The following EMSY variants were observed in gnomAD, a reference collection of about 807,000 sequenced individuals.
The protein encoded by EMSY is BRCA2-interacting transcriptional repressor EMSY.
EMSY carries 26 observed loss-of-function variants against 134.6 expected under a neutral mutation model. The observed-to-expected ratio is 0.19, with a 90% CI of 0.14 to 0.27. EMSY has a LOEUF of 0.27. Ranked by LOEUF, EMSY falls within the 10% of genes least tolerant of loss-of-function variation. The probability of loss-of-function intolerance (pLI) is 1.00; values close to 1 mark genes in which losing one functional copy is unlikely to be tolerated. For missense variants in EMSY, 1,305 were observed against 1,611.4 expected (o/e 0.81, Z 3.26); for synonymous variants, 579 against 577.8 (o/e 1.00, Z -0.03).
chr11:76,483,515 T>C (rs1395422086), intron 8 of EMSY, among the ~76,000 whole-genome samples: 1 of 152,124 alleles, frequency 6.6e-6, no homozygotes, highest in African/African-American at 2.4e-5. Flanking sequence ...ACCCATCTCA[T>C]GTGAAAGACA....
chr11:76,527,697 G>A (rs1950892219), intron 13 of EMSY, among the ~76,000 whole-genome samples: 1 of 151,762 alleles, frequency 6.6e-6, no homozygotes, highest in Non-Finnish European at 1.5e-5. Flanking sequence ...ATATTCATCT[G>A]GGGTTTCTTC....
At chr11:76,454,889 T>A in intron 4 of EMSY, 99 bp downstream of exon 5, 1 of 904,608 alleles carries the variant, frequency 1.1e-6, no homozygotes, top group Non-Finnish European at 1.6e-6. Flanking sequence ...ATTTATGAAT[T>A]AACCATGCCC....
At chr11:76,507,089 T>C (rs1043605532) in intron 9 of EMSY, among the ~76,000 whole-genome samples, 1 of 152,242 alleles carries the variant, frequency 6.6e-6, no homozygotes, top group South Asian at 2.1e-4. Flanking sequence ...GTTATGTTTA[T>C]ATTATACTGC....
chr11:76,497,513 G>A (rs901836144), intron 9 of EMSY, among the ~76,000 whole-genome samples: 1 of 152,106 alleles, frequency 6.6e-6, no homozygotes, highest in Non-Finnish European at 1.5e-5. Flanking sequence ...TTTAATTGAT[G>A]AATTCCATTT....
At position 76,533,351 on chromosome 11, in the gene EMSY, T is replaced by C. The variant is rs763764104; in HGVS notation, c.2195-2544T>C. On this transcript the variant is annotated intron_variant, in intron 14 of 20. Coordinates refer to ENST00000334736, the Ensembl canonical transcript of EMSY. ...TGGATTAAGGAAAAGAATTGGTCTT[T>C]GTGGATACAGGAACAGACCTAGAAG... Among the ~76,000 whole-genome samples the C allele has an allele frequency of 1.2e-4, 18 of 152,252 alleles. No individual in the cohort carries two copies. The South Asian group carries it at 1.2e-3, about 11-fold the overall frequency.
rs759858491 is a variant in EMSY at position 76,539,581 on chromosome 11, C to T, written c.2516-18C>T. The T allele has an allele frequency of 1.4e-5, 23 of 1,613,048 alleles. No individual in the cohort carries two copies. Among genetic ancestry groups the T allele is most frequent in the Non-Finnish European group, 1.8e-5 (21 of 1,179,214 alleles). On this transcript the variant is annotated intron_variant, in intron 16 of 20. Transcript: ENST00000334736. ...CAGATGAAAAGACTATGATTTCTTC[C>T]CTTACTTATCCTTTCAGAACGCACT...
chr11:76,446,677 A>G (rs1273155519), intron 1 of EMSY, among the ~76,000 whole-genome samples: 1 of 152,236 alleles, frequency 6.6e-6, no homozygotes, highest in African/African-American at 2.4e-5. Context: ...CTAGAAACCT[A>G]GAGGTGTCTG....
intron 10 of EMSY, among the ~76,000 whole-genome samples, chr11:76,514,501 C>T (rs1245784877): frequency 1.3e-5 from 2 of 152,138 alleles, no homozygotes; most frequent in Non-Finnish European, 2.9e-5. Flanking sequence ...TCAGCAACTT[C>T]CCCAAGGTCA....
At chr11:76,513,357 T>C in intron 9 of EMSY, 29 bp from the exon 11 acceptor site, 1 of 1,609,078 alleles carries the variant, frequency 6.2e-7, no homozygotes, top group South Asian at 1.1e-5. Context: ...AAATAATTTG[T>C]GCTGAGATTT....
chr11:76,515,560 T>A (rs1950423451), intron 10 of EMSY, among the ~76,000 whole-genome samples: 1 of 152,162 alleles, frequency 6.6e-6, no homozygotes, highest in African/African-American at 2.4e-5. Context: ...AAGAGAAATA[T>A]TCCTGGCAAC....
intron 9 of EMSY, among the ~76,000 whole-genome samples, chr11:76,499,275 C>CTTTTTT (rs777778051): frequency 5.7e-5 from 4 of 70,006 alleles, no homozygotes; most frequent in Admixed American, 1.7e-4. Context: ...AATCTTATAA[C>CTTTTTT]TTTTTTTTTT....
At chr11:76,544,870 A>G (rs1211981950) in intron 19 of EMSY, 48 bp downstream of exon 20, 3 of 1,500,258 alleles carry the variant, frequency 2.0e-6, no homozygotes, top group African/African-American at 2.8e-5. Context: ...CTGTTCACGG[A>G]AAAAAAAATG....
intron 8 of EMSY, among the ~76,000 whole-genome samples, chr11:76,475,925 A>G (rs1487001988): frequency 6.6e-6 from 1 of 152,182 alleles, no homozygotes; most frequent in African/African-American, 2.4e-5. Flanking sequence ...AAATGACTCC[A>G]TGTTTGTAAG....
intron 9 of EMSY, among the ~76,000 whole-genome samples, chr11:76,501,506 G>A (rs962952028): frequency 2.0e-5 from 3 of 152,130 alleles, no homozygotes; most frequent in East Asian, 1.9e-4. Context: ...TTTAAAGAGA[G>A]CCAAACAGAA....
intron 4 of EMSY, among the ~76,000 whole-genome samples, chr11:76,456,352 A>G (rs532988171): frequency 7.2e-5 from 11 of 152,130 alleles, no homozygotes; most frequent in South Asian, 2.1e-4. Context: ...TTGCACTGCA[A>G]GTTTTGTCTT....
exon 5 of EMSY, chr11:76,458,236 T>G (rs1415385882): frequency 6.2e-7 from 1 of 1,614,054 alleles, no homozygotes; most frequent in Non-Finnish European, 8.5e-7. Context: ...CGTCGATTGG[T>G]ACCACTGATG....
rs189101100 is a variant in EMSY at position 76,525,940 on chromosome 11, A to G, written c.1822-522A>G. Among the ~76,000 whole-genome samples, 190 of 152,272 alleles carry G rather than the reference A, an allele frequency of 1.2e-3. 1 individual carries two copies. The highest frequency in any genetic ancestry group is 4.3e-3 in the African/African-American group (180 of 41,566). ...TACTTTTTCATGTAGACATTCTACT[A>G]TATATCCTTATAATTTCATATATGT... On this transcript the variant is annotated intron_variant, in intron 12 of 20. Coordinates refer to ENST00000334736, the Ensembl canonical transcript of EMSY.
intron 9 of EMSY, among the ~76,000 whole-genome samples, chr11:76,499,897 G>A (rs573617542): frequency 5.9e-5 from 9 of 151,704 alleles, no homozygotes; most frequent in Admixed American, 1.3e-4. Flanking sequence ...CTTTTGTAGA[G>A]ACCATTTTTT....
intron 8 of EMSY, among the ~76,000 whole-genome samples, chr11:76,474,027 G>A (rs1233000190): frequency 6.6e-6 from 1 of 151,910 alleles, no homozygotes; most frequent in African/African-American, 2.4e-5. Context: ...CTACTCAGGA[G>A]GCTGAGGCAG....
Sources: gnomAD v4.1 joint callset for allele counts (sites outside exome capture counted in the v4.1 genomes callset) on GRCh38, gnomAD v4.1.1 for gene constraint, MANE v1.5 for transcripts, NCBI Gene and HGNC (gene_info 2026-07-23, HGNC 2026-07-21) for gene names.